The following C13orf42 variants were observed in gnomAD, a reference collection of about 807,000 sequenced individuals.
C13orf42 encodes the protein uncharacterized protein C13orf42.
chr13:51,135,477 C>T (rs1474789976), intron 1 of C13orf42, among the ~76,000 whole-genome samples: 1 of 151,846 alleles, frequency 6.6e-6, no homozygotes, highest in Non-Finnish European at 1.5e-5. Context: ...ACAGAGAGAT[C>T]CCATCTATTT....
intron 1 of C13orf42, among the ~76,000 whole-genome samples, chr13:51,159,295 AC>A (rs1291159173): frequency 6.6e-6 from 1 of 152,194 alleles, no homozygotes; most frequent in Non-Finnish European, 1.5e-5. Context: ...TGGATTTCAG[AC>A]AGCACCACAC....
In C13orf42 at chr13:51,111,009, G is replaced by GTACA. The variant is rs1333789780; in HGVS notation, c.197_200dup (p.Tyr68ValfsTer39). The stretch of plus-strand genomic sequence containing the variant: ...CCCGGTCCTCCTCCTGCCGCAGGTA[G>GTACA]TACAGGCTGGTGTCCATGCTACTGG... On this transcript the variant is annotated frameshift_variant, in exon 1 of 4. Coordinates refer to ENST00000563710, the MANE Select transcript of C13orf42 (RefSeq NM_001351589.3). LOFTEE classifies it high-confidence loss of function. 1 of 398,728 alleles carries GTACA rather than the reference G, an allele frequency of 2.5e-6. No homozygotes were observed. Among genetic ancestry groups the GTACA allele is most frequent in the East Asian group, 3.6e-5 (1 of 28,076 alleles). The allele number at this position is 398,728 out of a possible 1,614,324, so 24.7% of individuals were successfully genotyped here.
chr13:51,089,428 A>G (rs757032935), intron 1 of C13orf42, among the ~76,000 whole-genome samples: 8 of 152,008 alleles, frequency 5.3e-5, no homozygotes, highest in Non-Finnish European at 7.4e-5. Flanking sequence ...GTGGGAGGTG[A>G]TTGGATCATG....
chr13:51,091,647 A>G (rs1953181404), intron 1 of C13orf42, among the ~76,000 whole-genome samples: 1 of 152,044 alleles, frequency 6.6e-6, no homozygotes, highest in South Asian at 2.1e-4. Context: ...CTTTTCCTAA[A>G]CCAATTAATT....
At chr13:51,145,318 C>G (rs939226452) in intron 1 of C13orf42, among the ~76,000 whole-genome samples, 2 of 149,716 alleles carry the variant, frequency 1.3e-5, no homozygotes, top group African/African-American at 5.0e-5. Flanking sequence ...GTAATGTGGT[C>G]TATATCGATT....
intron 1 of C13orf42, among the ~76,000 whole-genome samples, chr13:51,168,091 A>G (rs1953916289): frequency 6.6e-6 from 1 of 152,202 alleles, no homozygotes; most frequent in Non-Finnish European, 1.5e-5. Context: ...TCTAGAAAGG[A>G]GAAGAAAAAA....
At chr13:51,124,008 A>G (rs1276950036) in intron 1 of C13orf42, among the ~76,000 whole-genome samples, 34 of 152,242 alleles carry the variant, frequency 2.2e-4, no homozygotes, top group Admixed American at 2.2e-3. Flanking sequence ...TCCGGAGGTT[A>G]TAAGATTTGC....
At position 51,141,574 on chromosome 13, in the gene C13orf42, C is replaced by T. The variant is rs185767326; in HGVS notation, n.137-28352G>A. Among the ~76,000 whole-genome samples, 669 of 151,936 alleles carry T rather than the reference C, an allele frequency of 4.4e-3. 6 individuals carry two copies. Among genetic ancestry groups the T allele is most frequent in the Non-Finnish European group, 7.9e-3 (539 of 67,942 alleles). ...CAGTACTTTGGGAGGCTGAGGTGGG[C>T]GGGTCATGAGGTCAGGAGTTCGAGA... On this transcript the variant is annotated intron_variant and non_coding_transcript_variant, in intron 1 of 4. Transcript: ENST00000433280.
intron 1 of C13orf42, among the ~76,000 whole-genome samples, chr13:51,130,268 CTTCT>C (rs1953606381): frequency 6.6e-6 from 1 of 152,154 alleles, no homozygotes. Context: ...TCATAAACTG[CTTCT>C]TTGACTTTTG....
rs1490597624 is a variant in C13orf42, at chr13:51,082,426, GTTTAT to G, written c.*1720_*1724del. On this transcript the variant is annotated 3_prime_UTR_variant, in exon 4 of 4. Coordinates refer to ENST00000563710, the MANE Select transcript of C13orf42 (RefSeq NM_001351589.3). ...GGACTCCAAACATCCTCGCAGTCAT[GTTTAT>G]TTTTTCTTATCTTTAAAAACAAAAT... 6.6e-6 allele frequency: 1 copy of G among 152,188 alleles called. No individual in the cohort carries two copies. The highest frequency in any genetic ancestry group is 1.5e-5 in the Non-Finnish European group (1 of 68,012). The allele number at this position is 152,188 out of a possible 1,614,324, so 9.4% of individuals were successfully genotyped here.
At chr13:51,095,996 T>A (rs1485612758) in intron 1 of C13orf42, among the ~76,000 whole-genome samples, 1 of 152,230 alleles carries the variant, frequency 6.6e-6, no homozygotes, top group Non-Finnish European at 1.5e-5. Context: ...AAATGGTCTT[T>A]CCTTTGGCTA....
intron 1 of C13orf42, among the ~76,000 whole-genome samples, chr13:51,169,931 G>A (rs901604840): frequency 2.0e-5 from 3 of 152,188 alleles, no homozygotes; most frequent in Admixed American, 2.0e-4. Context: ...ACGCCCAGAT[G>A]GCCTGAAGTA....
In C13orf42 at chr13:51,090,738, A is replaced by G. The variant is rs182269085; in HGVS notation, c.415-2663T>C. 7.9e-5 allele frequency among the ~76,000 whole-genome samples: 12 copies of G among 152,306 alleles called. No homozygotes were observed. The East Asian group carries it at 2.1e-3, about 27-fold the overall frequency. On this transcript the variant is annotated intron_variant, in intron 1 of 3. Transcript: ENST00000563710. ...TGCTGTTAATTGTTAAAGAGTTAGG[A>G]AAAGAGTCAATGTTGGTGTCTTAGC...
intron 1 of C13orf42, among the ~76,000 whole-genome samples, chr13:51,164,255 C>G (rs1197194085): frequency 1.3e-5 from 2 of 152,236 alleles, no homozygotes; most frequent in Non-Finnish European, 2.9e-5. Flanking sequence ...GTAAGCTCCA[C>G]TAAGGGAGAG....
intron 1 of C13orf42, chr13:51,161,642 C>T (rs945101562): frequency 3.4e-5 from 6 of 176,478 alleles, no homozygotes; most frequent in Admixed American, 2.5e-4. Context: ...CTTACCTTGC[C>T]TCATCCATTC....
At chr13:51,110,696 GATTA>G (rs1953418329) in intron 1 of C13orf42, 96 bp downstream of exon 1, 1 of 397,458 alleles carries the variant, frequency 2.5e-6, no homozygotes, top group Non-Finnish European at 4.4e-6. Flanking sequence ...GAATGTGTCA[GATTA>G]ATTAAGCCAT....
intron 1 of C13orf42, among the ~76,000 whole-genome samples, chr13:51,145,106 C>T (rs761888553): frequency 1.5e-4 from 22 of 150,654 alleles, no homozygotes; most frequent in Admixed American, 3.3e-4. Context: ...TTCTTGGCTA[C>T]AAGTCTTCAA....
upstream of C13orf42, among the ~76,000 whole-genome samples, chr13:51,113,741 T>C (rs1225748020): frequency 6.6e-6 from 1 of 152,058 alleles, no homozygotes; most frequent in Non-Finnish European, 1.5e-5. Context: ...ACAAAGTGTA[T>C]CACAAAGAAA....
intron 1 of C13orf42, among the ~76,000 whole-genome samples, chr13:51,123,863 G>A (rs985681380): frequency 3.3e-5 from 5 of 152,120 alleles, no homozygotes; most frequent in Admixed American, 2.0e-4. Context: ...ATCCCTGGGC[G>A]TAGTCTGAAC....
Sources: gnomAD v4.1 joint callset for allele counts (sites outside exome capture counted in the v4.1 genomes callset) on GRCh38, gnomAD v4.1.1 for gene constraint, MANE v1.5 for transcripts, NCBI Gene and HGNC (gene_info 2026-07-23, HGNC 2026-07-21) for gene names.